NRXN1: variants seen among roughly 807,000 people sequenced by gnomAD.
NRXN1 encodes the protein neurexin-1.
NRXN1 carries 39 observed loss-of-function variants against 150.9 expected under a neutral mutation model. The ratio of observed to expected loss-of-function variants is 0.26; its 90% CI spans 0.20 to 0.34. The LOEUF (loss-of-function observed/expected upper bound fraction) is 0.34. Ranked by LOEUF, NRXN1 falls within the 10% of genes least tolerant of loss-of-function variation. NRXN1 has a pLI of 1.00. For synonymous variants in NRXN1, 924 were observed against 757.0 expected (o/e 1.22, Z -3.62); for missense variants, 1,815 against 1,949.9 (o/e 0.93, Z 1.30).
chr2:50,140,105 A>T (rs1344442359), intron 18 of NRXN1, among the ~76,000 whole-genome samples: 1 of 152,170 alleles, frequency 6.6e-6, no homozygotes, highest in Non-Finnish European at 1.5e-5. Flanking sequence ...TCACAAATTA[A>T]ATGTAAAATA....
intron 17 of NRXN1, among the ~76,000 whole-genome samples, chr2:50,456,840 C>T (rs533787510): frequency 2.9e-4 from 44 of 152,122 alleles, no homozygotes; most frequent in Non-Finnish European, 4.9e-4. Context: ...TAATAACCTC[C>T]GACTTAGTCT....
chr2:50,737,346 A>G (rs1698891982), intron 5 of NRXN1, among the ~76,000 whole-genome samples: 1 of 152,320 alleles, frequency 6.6e-6, no homozygotes, highest in African/African-American at 2.4e-5. Flanking sequence ...AAGACCAATA[A>G]TAAATTCTTA....
chr2:50,829,802 T>C, intron 5 of NRXN1: 2 of 1,461,398 alleles, frequency 1.4e-6, no homozygotes, highest in Non-Finnish European at 1.8e-6. Context: ...TGAAGTAACT[T>C]AACTTTTGGT....
chr2:50,103,592 A>G (rs1456000175), intron 18 of NRXN1, among the ~76,000 whole-genome samples: 1 of 152,022 alleles, frequency 6.6e-6, no homozygotes, highest in African/African-American at 2.4e-5. Flanking sequence ...AAGTTAAATG[A>G]GCATTTGCCC....
intron 8 of NRXN1, among the ~76,000 whole-genome samples, chr2:50,572,574 A>G (rs546379273): frequency 2.6e-5 from 4 of 152,154 alleles, no homozygotes; most frequent in Admixed American, 6.6e-5. Flanking sequence ...TGTTATATCA[A>G]TTCTCTGATG....
At chr2:50,948,169 A>G (rs1187099861) in intron 2 of NRXN1, among the ~76,000 whole-genome samples, 1 of 152,018 alleles carries the variant, frequency 6.6e-6, no homozygotes, top group Admixed American at 6.6e-5. Flanking sequence ...ACTTGAAAAG[A>G]TTTCTTGAGG....
intron 9 of NRXN1, among the ~76,000 whole-genome samples, chr2:50,544,319 A>G (rs116533211): frequency 0.027 from 4,161 of 152,178 alleles, 62 homozygotes; most frequent in East Asian, 0.067. Context: ...TTAAAAAAGA[A>G]CCAACATATT....
At chr2:50,243,188 G>T (rs1052114677) in intron 17 of NRXN1, among the ~76,000 whole-genome samples, 3 of 151,448 alleles carry the variant, frequency 2.0e-5, no homozygotes, top group Admixed American at 6.6e-5. Flanking sequence ...TAACAACAAA[G>T]AAATGATAAA....
intron 5 of NRXN1, among the ~76,000 whole-genome samples, chr2:50,832,144 T>C (rs1671494619): frequency 6.6e-6 from 1 of 152,064 alleles, no homozygotes. Flanking sequence ...GCAGGCTTAG[T>C]TTAAGCCTAA....
chr2:50,209,277 C>G (rs1360181203), intron 18 of NRXN1, among the ~76,000 whole-genome samples: 1 of 152,126 alleles, frequency 6.6e-6, no homozygotes, highest in Admixed American at 6.6e-5. Flanking sequence ...TCATTATAAA[C>G]ACTAGAGATT....
intron 5 of NRXN1, among the ~76,000 whole-genome samples, chr2:50,865,657 A>ATTTTTTTTTT: frequency 2.5e-5 from 1 of 39,846 alleles, no homozygotes; most frequent in Non-Finnish European, 8.4e-5. Flanking sequence ...AGCATTTGAA[A>ATTTTTTTTTT]GTTTTTTTTT....
At chr2:50,827,629 A>G (rs1383460492) in intron 5 of NRXN1, among the ~76,000 whole-genome samples, 1 of 152,148 alleles carries the variant, frequency 6.6e-6, no homozygotes, top group Non-Finnish European at 1.5e-5. Flanking sequence ...TTTTTAATTG[A>G]TCGTTCTTGG....
At chr2:50,251,474 A>T (rs1239870418) in intron 17 of NRXN1, among the ~76,000 whole-genome samples, 3 of 152,060 alleles carry the variant, frequency 2.0e-5, no homozygotes, top group Non-Finnish European at 4.4e-5. Context: ...TGTTGTGAAT[A>T]GTGCTGCAAT....
At chr2:50,496,857 T>C (rs1036108406) in intron 14 of NRXN1, among the ~76,000 whole-genome samples, 1 of 152,350 alleles carries the variant, frequency 6.6e-6, no homozygotes, top group Non-Finnish European at 1.5e-5. Context: ...CTCACAGTTT[T>C]AAGGCACGTT....
chr2:50,649,665 G>A (rs1333309152), intron 5 of NRXN1, among the ~76,000 whole-genome samples: 3 of 151,972 alleles, frequency 2.0e-5, no homozygotes, highest in Non-Finnish European at 2.9e-5. Context: ...AATACCTACT[G>A]TATCACTTGA....
chr2:50,427,959 G>C (rs1396726911), intron 17 of NRXN1, among the ~76,000 whole-genome samples: 1 of 152,062 alleles, frequency 6.6e-6, no homozygotes, highest in African/African-American at 2.4e-5. Flanking sequence ...TAGCCTTTTT[G>C]TTGGCGAACA....
Position 50,296,391 on chromosome 2 carries a change from T to C in NRXN1, c.3365-59421A>G, listed in dbSNP as rs115814118. ...TTTTTTAAAATACAGATCATGGGGA[T>C]ACGAGTGCAGATTTGTTAAATGGAT... is the stretch of plus-strand genomic sequence containing the variant. On this transcript the variant is annotated intron_variant, in intron 17 of 22. Transcript: ENST00000401669. Among the ~76,000 whole-genome samples, 386 of 152,260 alleles carry C rather than the reference T, an allele frequency of 2.5e-3. 3 individuals are homozygous for C. The highest frequency in any genetic ancestry group is 4.6e-3 in the Non-Finnish European group (313 of 68,014).
At chr2:50,566,630 C>T (rs1669912558) in intron 8 of NRXN1, among the ~76,000 whole-genome samples, 1 of 152,094 alleles carries the variant, frequency 6.6e-6, no homozygotes, top group African/African-American at 2.4e-5. Context: ...GCTTGTTGAA[C>T]AACAAACTTC....
intron 2 of NRXN1, among the ~76,000 whole-genome samples, chr2:50,975,043 C>CA (rs904815467): frequency 6.6e-6 from 1 of 151,982 alleles, no homozygotes; most frequent in Non-Finnish European, 1.5e-5. Context: ...AAGACTCTTC[C>CA]AGGGAATCCA....
Sources: allele counts gnomAD v4.1 joint callset (sites outside exome capture counted in the v4.1 genomes callset), GRCh38; gene constraint gnomAD v4.1.1; transcripts MANE v1.5; gene names NCBI Gene and HGNC (gene_info 2026-07-23, HGNC 2026-07-21).